TANGO6: variants seen among roughly 807,000 people sequenced by gnomAD.
The protein encoded by TANGO6 is transport and Golgi organization protein 6 homolog.
Under a neutral mutation model 114.2 loss-of-function variants are expected in TANGO6, and 90 were observed. That is an observed-to-expected ratio of 0.79 (90% CI 0.66 to 0.94). TANGO6 has a LOEUF of 0.94. Ranked by LOEUF, TANGO6 falls within the 40% of genes least tolerant of loss-of-function variation. The pLI is 0.00. For synonymous variants in TANGO6, 477 were observed against 509.8 expected (o/e 0.94, Z 0.87); for missense variants, 1,274 against 1,315.3 (o/e 0.97, Z 0.49).
At chr16:68,922,367 C>A (rs1337309119) in intron 12 of TANGO6, among the ~76,000 whole-genome samples, 2 of 151,926 alleles carry the variant, frequency 1.3e-5, no homozygotes, top group Non-Finnish European at 2.9e-5. Context: ...GAAACCCCAT[C>A]TCTACTAAAA....
chr16:69,032,892 G>C (rs1224834177), intron 16 of TANGO6, among the ~76,000 whole-genome samples: 6 of 103,420 alleles, frequency 5.8e-5, no homozygotes, highest in Non-Finnish European at 9.9e-5. Flanking sequence ...AAAAAAAAAA[G>C]AAAGTTACTG....
In TANGO6 at chr16:68,927,924, T is replaced by G; in HGVS notation, c.2484T>G (p.Ser828Arg). The change falls in exon 13 of 18, where the codon AGT becomes AGG. Residue 828 changes from serine (S) to arginine (R), a missense_variant. Around this residue, in one of 5 missense-constraint regions of TANGO6, gnomAD observed 908 missense variants for 910.2 expected, o/e 1.00. Transcript: ENST00000261778. The part of the protein sequence containing the change: ...QGVNEPSTTT[S>R]QKSGSVTTEQ... ...TCAATGAGCCCAGCACTACTACAAG[T>G]CAGAAATCTGGAAGCGTAACCACAG... 1 of 1,613,846 alleles carries G rather than the reference T, an allele frequency of 6.2e-7. No individual in the cohort carries two copies. Among genetic ancestry groups the G allele is most frequent in the East Asian group, 2.2e-5 (1 of 44,890 alleles).
intron 1 of TANGO6, among the ~76,000 whole-genome samples, chr16:68,847,999 C>CA (rs1329686470): frequency 0.054 from 3,360 of 62,110 alleles, 118 homozygotes; most frequent in African/African-American, 0.12. Flanking sequence ...GACTCCATCA[C>CA]AAAAAAAAAA....
intron 14 of TANGO6, among the ~76,000 whole-genome samples, chr16:68,938,796 A>G (rs563810207): frequency 3.3e-5 from 5 of 152,180 alleles, no homozygotes; most frequent in South Asian, 2.1e-4. Context: ...ACATTGTTCT[A>G]GAGTCAATTA....
At chr16:68,864,954 T>A (rs1291963153) in intron 3 of TANGO6, among the ~76,000 whole-genome samples, 1 of 152,072 alleles carries the variant, frequency 6.6e-6, no homozygotes, top group Non-Finnish European at 1.5e-5. Flanking sequence ...GATGAAATAT[T>A]TCTGTTACTA....
chr16:69,032,202 A>G (rs996916857), intron 16 of TANGO6, among the ~76,000 whole-genome samples: 3 of 152,082 alleles, frequency 2.0e-5, no homozygotes, highest in Non-Finnish European at 2.9e-5. Context: ...TGTGAATGAG[A>G]TGGGAAGCCA....
Position 68,887,561 on chromosome 16 carries a change from G to T in TANGO6, c.1377+6931G>T, listed in dbSNP as rs112249896. Among the ~76,000 whole-genome samples the T allele has an allele frequency of 4.9e-3, 743 of 152,250 alleles. 5 individuals are homozygous for T. The highest frequency in any genetic ancestry group is 0.017 in the African/African-American group (710 of 41,546). ...TGTCCAATATACTTTGTTTAAAAAG[G>T]GAAGGATTGCATATTAGAAATATTT... On this transcript the variant is annotated intron_variant, in intron 7 of 17. Transcript: ENST00000261778.
intron 5 of TANGO6, among the ~76,000 whole-genome samples, 169 bp downstream of exon 5, chr16:68,875,459 C>G (rs1179722859): frequency 6.6e-6 from 1 of 152,040 alleles, no homozygotes; most frequent in East Asian, 1.9e-4. Flanking sequence ...AGAGACTGAC[C>G]TAATTGTTCA....
chr16:68,985,051 T>A (rs1032490721), intron 15 of TANGO6, among the ~76,000 whole-genome samples: 2 of 152,046 alleles, frequency 1.3e-5, no homozygotes, highest in African/African-American at 2.4e-5. Flanking sequence ...AGTTTTTTTT[T>A]AAATAGAAAT....
intron 17 of TANGO6, among the ~76,000 whole-genome samples, chr16:69,059,964 C>T (rs1960089942): frequency 6.6e-6 from 1 of 152,068 alleles, no homozygotes; most frequent in South Asian, 2.1e-4. Context: ...ACTTTCTGTC[C>T]CATGCTTGCC....
chr16:68,861,948 C>T (rs1462534306), intron 2 of TANGO6, among the ~76,000 whole-genome samples: 2 of 151,932 alleles, frequency 1.3e-5, no homozygotes, highest in African/African-American at 2.4e-5. Flanking sequence ...GAGAGATAAA[C>T]AATGTTACCT....
intron 15 of TANGO6, among the ~76,000 whole-genome samples, chr16:69,012,825 A>G (rs555188893): frequency 6.6e-6 from 1 of 152,332 alleles, no homozygotes; most frequent in Non-Finnish European, 1.5e-5. Context: ...TTTCATTAAA[A>G]GATGAATTAG....
chr16:68,980,383 T>TC (rs1555526453), intron 15 of TANGO6, among the ~76,000 whole-genome samples: 795 of 36,820 alleles, frequency 0.022, 85 homozygotes, highest in African/African-American at 0.078. Context: ...CTGTCTGTCA[T>TC]TCTCTCTCTC....
At chr16:68,972,322 G>C (rs913231476) in intron 14 of TANGO6, among the ~76,000 whole-genome samples, 1 of 152,100 alleles carries the variant, frequency 6.6e-6, no homozygotes, top group Non-Finnish European at 1.5e-5. Context: ...CAGCAGATGC[G>C]GCGGATAAGG....
intron 15 of TANGO6, among the ~76,000 whole-genome samples, chr16:69,003,586 T>C (rs1415020426): frequency 1.3e-5 from 2 of 152,200 alleles, no homozygotes; most frequent in Non-Finnish European, 2.9e-5. Flanking sequence ...AGCAAACCAA[T>C]ACTTTAAAAA....
chr16:69,038,111 T>C (rs2152233582), intron 16 of TANGO6, among the ~76,000 whole-genome samples: 1 of 152,160 alleles, frequency 6.6e-6, no homozygotes, highest in East Asian at 1.9e-4. Flanking sequence ...AAGAAATATA[T>C]TCACACAGTA....
chr16:68,872,592 G>A (rs538498011), intron 4 of TANGO6, among the ~76,000 whole-genome samples: 123 of 151,498 alleles, frequency 8.1e-4, no homozygotes, highest in Admixed American at 2.5e-3. Flanking sequence ...ATGAGCCACC[G>A]CCCACAGCCG....
chr16:69,050,553 G>A (rs972684830), intron 17 of TANGO6, among the ~76,000 whole-genome samples: 10 of 150,882 alleles, frequency 6.6e-5, no homozygotes, highest in African/African-American at 2.2e-4. Flanking sequence ...GCAGTGGTGC[G>A]ATCTCAGCTC....
chr16:68,929,489 T>C (rs901155980), intron 13 of TANGO6, among the ~76,000 whole-genome samples: 1 of 152,188 alleles, frequency 6.6e-6, no homozygotes, highest in African/African-American at 2.4e-5. Context: ...TCTCCGTACA[T>C]ACTTCACATG....
Sources: allele counts gnomAD v4.1 joint callset (sites outside exome capture counted in the v4.1 genomes callset), GRCh38; gene constraint gnomAD v4.1.1; regional missense constraint gnomAD v4.1.1; transcripts MANE v1.5; gene names NCBI Gene and HGNC (gene_info 2026-07-23, HGNC 2026-07-21).